CCDC91: variants seen among roughly 807,000 people sequenced by gnomAD.
CCDC91 encodes the protein coiled-coil domain containing 91.
A neutral mutation model predicts 63.2 loss-of-function variants in CCDC91; 48 were observed. The ratio of observed to expected loss-of-function variants is 0.76; its 90% CI spans 0.60 to 0.97. CCDC91 has a LOEUF of 0.97. CCDC91 is among the 50% of genes least tolerant of loss of function. The pLI, the probability that CCDC91 is intolerant of heterozygous loss-of-function variation, is 0.00. For synonymous variants in CCDC91, 167 were observed against 165.8 expected, an observed-to-expected ratio of 1.01 and a Z score of -0.06; for missense variants, 500 against 494.6, an observed-to-expected ratio of 1.01 and a Z score of -0.10.
At chr12:28,462,180 A>G (rs1317496736) in intron 11 of CCDC91, among the ~76,000 whole-genome samples, 1 of 151,950 alleles carries the variant, frequency 6.6e-6, no homozygotes, top group Non-Finnish European at 1.5e-5. Flanking sequence ...TGAAGCTGGC[A>G]TTTTGGATGT....
chr12:28,520,973 A>C (rs1252162262), intron 12 of CCDC91, among the ~76,000 whole-genome samples: 1 of 152,138 alleles, frequency 6.6e-6, no homozygotes, highest in African/African-American at 2.4e-5. Flanking sequence ...TGGTTACTGT[A>C]GCCTTGTAGT....
At chr12:28,369,993 G>A (rs1377593933) in intron 7 of CCDC91, among the ~76,000 whole-genome samples, 1 of 152,190 alleles carries the variant, frequency 6.6e-6, no homozygotes, top group Non-Finnish European at 1.5e-5. Flanking sequence ...GGCTATGGGA[G>A]GGGCTGCCAT....
chr12:28,280,532 ATTC>A (rs1266425349), intron 3 of CCDC91, among the ~76,000 whole-genome samples: 1 of 152,126 alleles, frequency 6.6e-6, no homozygotes, highest in Non-Finnish European at 1.5e-5. Context: ...ATAATATAGA[ATTC>A]TTTTTATAGT....
At chr12:28,463,853 C>T (rs1354817605) in intron 11 of CCDC91, among the ~76,000 whole-genome samples, 2 of 152,086 alleles carry the variant, frequency 1.3e-5, no homozygotes, top group Non-Finnish European at 2.9e-5. Flanking sequence ...ACCATCCTTC[C>T]TGCCCGGACA....
At chr12:28,451,740 G>A (rs981249502) in intron 10 of CCDC91, among the ~76,000 whole-genome samples, 1 of 151,492 alleles carries the variant, frequency 6.6e-6, no homozygotes, top group African/African-American at 2.4e-5. Context: ...AATTTCATTT[G>A]ACATAATTTT....
intron 8 of CCDC91, among the ~76,000 whole-genome samples, chr12:28,391,831 T>G (rs1010332883): frequency 1.3e-5 from 2 of 152,226 alleles, no homozygotes; most frequent in Admixed American, 6.5e-5. Flanking sequence ...TATTCAAATT[T>G]TTTTCTTTTC....
intron 3 of CCDC91, among the ~76,000 whole-genome samples, chr12:28,288,426 A>G (rs1446272613): frequency 1.3e-5 from 2 of 152,164 alleles, no homozygotes; most frequent in Non-Finnish European, 2.9e-5. Flanking sequence ...GAATTTTATC[A>G]AAAGCCTTTT....
intron 3 of CCDC91, among the ~76,000 whole-genome samples, chr12:28,273,754 G>T (rs1378254893): frequency 6.6e-6 from 1 of 152,092 alleles, no homozygotes. Context: ...TTTGTCAGAC[G>T]AGTAGATTGC....
At chr12:28,342,546 A>AT (rs1053842507) in intron 6 of CCDC91, among the ~76,000 whole-genome samples, 10 of 152,074 alleles carry the variant, frequency 6.6e-5, no homozygotes, top group African/African-American at 1.2e-4. Context: ...AGATTTATTT[A>AT]TTTTTTTGCT....
intron 6 of CCDC91, among the ~76,000 whole-genome samples, chr12:28,357,029 G>T (rs1943571851): frequency 6.6e-6 from 1 of 152,162 alleles, no homozygotes; most frequent in African/African-American, 2.4e-5. Flanking sequence ...GATTAGTAGA[G>T]GTTCTACTTG....
intron 1 of CCDC91, among the ~76,000 whole-genome samples, chr12:28,202,521 T>C (rs1225523231): frequency 6.6e-6 from 1 of 152,238 alleles, no homozygotes; most frequent in Non-Finnish European, 1.5e-5. Context: ...TCTGCATGGT[T>C]AGTACTGGAC....
chr12:28,392,100 T>C (rs1945984955), intron 8 of CCDC91, among the ~76,000 whole-genome samples: 1 of 152,200 alleles, frequency 6.6e-6, no homozygotes, highest in African/African-American at 2.4e-5. Flanking sequence ...TATACCACCT[T>C]ATTCTCAAGA....
At chr12:28,224,027 T>C (rs976830621) in intron 1 of CCDC91, among the ~76,000 whole-genome samples, 15 of 152,208 alleles carry the variant, frequency 9.9e-5, no homozygotes, top group Admixed American at 5.2e-4. Context: ...GCTTAAGTGC[T>C]CCACAAATCA....
chr12:28,356,786 T>G (rs967412728), intron 6 of CCDC91, among the ~76,000 whole-genome samples: 7 of 152,216 alleles, frequency 4.6e-5, no homozygotes, highest in African/African-American at 1.7e-4. Flanking sequence ...TATTTGCTAA[T>G]TATGTTCTGG....
intron 1 of CCDC91, among the ~76,000 whole-genome samples, chr12:28,246,697 C>T (rs536369267): frequency 5.9e-5 from 9 of 152,104 alleles, no homozygotes; most frequent in Admixed American, 2.0e-4. Context: ...GAAGTAAGTT[C>T]TGGTAGTTTT....
chr12:28,293,590 CTG>C (rs1333394337), intron 3 of CCDC91, among the ~76,000 whole-genome samples: 1 of 152,136 alleles, frequency 6.6e-6, no homozygotes, highest in South Asian at 2.1e-4. Flanking sequence ...TAATGATAGA[CTG>C]TTGTTGGTAT....
At chr12:28,260,737 A>G (rs987348956) in intron 3 of CCDC91, among the ~76,000 whole-genome samples, 1 of 151,932 alleles carries the variant, frequency 6.6e-6, no homozygotes, top group African/African-American at 2.4e-5. Context: ...TTGGCTCTCA[A>G]TAAGTATTTG....
chr12:28,382,285 AAAT>A (rs1375371852), intron 7 of CCDC91, among the ~76,000 whole-genome samples: 4 of 151,558 alleles, frequency 2.6e-5, no homozygotes, highest in African/African-American at 9.6e-5. Flanking sequence ...ACTAATTTTA[AAAT>A]AATATTTATA....
At chr12:28,390,501 A>G (rs1210328302) in intron 7 of CCDC91, among the ~76,000 whole-genome samples, 3 of 152,184 alleles carry the variant, frequency 2.0e-5, no homozygotes, top group African/African-American at 7.2e-5. Context: ...AAAGCTAAAC[A>G]GAGAGAAAGA....
Sources: allele counts gnomAD v4.1 joint callset (sites outside exome capture counted in the v4.1 genomes callset), GRCh38; gene constraint gnomAD v4.1.1; transcripts MANE v1.5; gene names NCBI Gene and HGNC (gene_info 2026-07-23, HGNC 2026-07-21).